DPYS: variants seen among roughly 807,000 people sequenced by gnomAD.
DPYS encodes dihydropyrimidine amidohydrolase.
Under a neutral mutation model 50.3 loss-of-function variants are expected in DPYS, and 39 were observed. That is an observed-to-expected ratio of 0.78 (90% CI 0.60 to 1.01). DPYS has a LOEUF of 1.01. Ranked by LOEUF, DPYS falls within the 50% of genes least tolerant of loss-of-function variation. DPYS has a pLI of 0.00. For missense variants in DPYS, 659 were observed against 680.9 expected, an observed-to-expected ratio of 0.97 and a Z score of 0.36; for synonymous variants, 245 against 250.7, an observed-to-expected ratio of 0.98 and a Z score of 0.22.
intron 8 of DPYS, among the ~76,000 whole-genome samples, chr8:104,384,127 C>T (rs977582721): frequency 1.3e-5 from 2 of 152,224 alleles, no homozygotes; most frequent in African/African-American, 4.8e-5. Context: ...GGGAGCCACA[C>T]CTGCGTGCAC....
chr8:104,429,141 A>G (rs1812854577), intron 5 of DPYS: 2 of 214,378 alleles, frequency 9.3e-6, no homozygotes, highest in Non-Finnish European at 1.9e-5. Flanking sequence ...CAAGAATGGT[A>G]GAATTTTCAA....
chr8:104,434,776 T>C (rs1220562293), intron 4 of DPYS, among the ~76,000 whole-genome samples: 1 of 152,184 alleles, frequency 6.6e-6, no homozygotes, highest in African/African-American at 2.4e-5. Context: ...TTGTTGTTTA[T>C]GAAAAATATA....
chr8:104,438,049 G>C (rs1196689366), intron 4 of DPYS, among the ~76,000 whole-genome samples: 1 of 152,024 alleles, frequency 6.6e-6, no homozygotes, highest in African/African-American at 2.4e-5. Context: ...TGAAGACAAG[G>C]AATCAGAAAA....
intron 1 of DPYS, among the ~76,000 whole-genome samples, chr8:104,455,262 C>T (rs979921074): frequency 3.9e-5 from 6 of 152,128 alleles, no homozygotes; most frequent in African/African-American, 1.4e-4. Context: ...CTCTGGGAAA[C>T]GTGAACTGCA....
At chr8:104,387,758 C>T (rs374068305) in intron 8 of DPYS, among the ~76,000 whole-genome samples, 38 of 152,256 alleles carry the variant, frequency 2.5e-4, no homozygotes, top group Middle Eastern at 3.4e-3. Context: ...ATTTACTGAA[C>T]GGATGTTGAT....
At chr8:104,395,850 A>C (rs1588405253) in intron 7 of DPYS, among the ~76,000 whole-genome samples, 1 of 4,606 alleles carries the variant, frequency 2.2e-4, no homozygotes. Flanking sequence ...TGCTGCAGCA[A>C]AAAAAAAAAA....
Position 104,451,447 on chromosome 8 carries a change from C to T in DPYS, c.265-43G>A, listed in dbSNP as rs779061568. The stretch of plus-strand genomic sequence containing the variant: ...TTTCAACAAATTAGCTATCAATTTC[C>T]TAGTTAAGTCATTTATCATCTTGAA... On this transcript the variant is annotated intron_variant, in intron 1 of 9. Transcript: ENST00000351513. 8.7e-6 allele frequency: 14 copies of T among 1,612,132 alleles called. No homozygotes were observed. In the East Asian group the frequency reaches 3.1e-4, roughly 36 times the overall value.
intron 7 of DPYS, among the ~76,000 whole-genome samples, chr8:104,413,029 G>A (rs1353317242): frequency 6.6e-6 from 1 of 152,120 alleles, no homozygotes; most frequent in African/African-American, 2.4e-5. Flanking sequence ...AAATGTGAGA[G>A]CATTTCATAT....
chr8:104,424,049 T>C (rs1436571516), intron 7 of DPYS, 198 bp downstream of exon 7: 8 of 984,948 alleles, frequency 8.1e-6, no homozygotes, highest in Non-Finnish European at 9.6e-6. Context: ...ACACAACTTC[T>C]ACATCCTCTA....
intron 3 of DPYS, among the ~76,000 whole-genome samples, chr8:104,447,120 A>T (rs760498572): frequency 6.6e-6 from 1 of 152,250 alleles, no homozygotes. Context: ...TACCACCTGC[A>T]TAAAGCTGAG....
chr8:104,395,253 C>T (rs755865028), intron 7 of DPYS, among the ~76,000 whole-genome samples: 1 of 152,184 alleles, frequency 6.6e-6, no homozygotes, highest in Non-Finnish European at 1.5e-5. Flanking sequence ...CCCACCTTGG[C>T]TTTCCAAAGT....
Position 104,451,274 on chromosome 8 carries a change from T to A in DPYS, c.395A>T (p.His132Leu). 1 of 1,614,086 alleles carries A rather than the reference T, an allele frequency of 6.2e-7. No individual in the cohort carries two copies. ...DPKVCCDYSLHVAVTWWSDQV... is the reference protein window; with the variant it reads ...DPKVCCDYSLLVAVTWWSDQV... The stretch of plus-strand genomic sequence containing the variant: ...GTCACTCCACCACGTCACTGCCACA[T>A]GAAGGCTGTAGTCGCAGCAAACTTT... Residue 132 changes from histidine to leucine, a missense_variant, in exon 2 of 10, where the codon CAT becomes CTT. Coordinates refer to ENST00000351513, the MANE Select transcript of DPYS (RefSeq NM_001385.3).
intron 4 of DPYS, among the ~76,000 whole-genome samples, chr8:104,440,724 A>C (rs1471347915): frequency 1.3e-5 from 2 of 151,994 alleles, no homozygotes; most frequent in Admixed American, 6.6e-5. Context: ...GCGACACTGC[A>C]CTCCAGCCTG....
chr8:104,466,844 A>G lies in DPYS; in HGVS notation c.77T>C (p.Leu26Pro). ...TGCCCGCACCACGCCGTCCTCCACC[A>G]GCACGTCGGCCACCTCCGAGAAGTC... ...NDDFSEVADV[L>P]VEDGVVRALG... The change falls in exon 1 of 10, where the codon CTG becomes CCG. Residue 26 changes from leucine to proline, a missense_variant. By Grantham distance (98) the Leu-to-Pro change is moderately conservative (BLOSUM62 -3). Transcript: ENST00000351513. 2.0e-6 allele frequency: 3 copies of G among 1,532,428 alleles called. No individual in the cohort carries two copies. The South Asian group carries it at 3.6e-5, about 18-fold the overall frequency. 94.9% of individuals were successfully genotyped at this position (1,532,428 alleles called of 1,614,324 possible).
At chr8:104,436,526 C>G (rs1230478151) in intron 4 of DPYS, among the ~76,000 whole-genome samples, 1 of 152,150 alleles carries the variant, frequency 6.6e-6, no homozygotes, top group Admixed American at 6.5e-5. Flanking sequence ...AGGAGAATCA[C>G]TTGAACCTGG....
rs376247027 is a variant in DPYS at position 104,429,706 on chromosome 8, A to C, written c.794-5T>G. 98 of 1,613,940 alleles carry C rather than the reference A, an allele frequency of 6.1e-5. No individual in the cohort carries two copies. Among genetic ancestry groups the C allele is most frequent in the Non-Finnish European group, 7.8e-5 (92 of 1,179,992 alleles). ...GTTCACCATAGACCACCTTCCCTGGAAAGATTAAAAGAAGCATTCATCACT... is the reference window on the plus strand; with the variant it reads ...GTTCACCATAGACCACCTTCCCTGGCAAGATTAAAAGAAGCATTCATCACT... On this transcript the variant is annotated splice_region_variant and splice_polypyrimidine_tract_variant and intron_variant, in intron 4 of 9. Transcript: ENST00000351513.
At chr8:104,460,259 G>C (rs1428870178) in intron 1 of DPYS, among the ~76,000 whole-genome samples, 3 of 152,070 alleles carry the variant, frequency 2.0e-5, no homozygotes, top group African/African-American at 7.2e-5. Context: ...CCCAATGTTG[G>C]GGGAGTGACC....
At chr8:104,419,252 T>C (rs1280131524) in intron 7 of DPYS, among the ~76,000 whole-genome samples, 1 of 152,244 alleles carries the variant, frequency 6.6e-6, no homozygotes, top group African/African-American at 2.4e-5. Flanking sequence ...TAGCCAGTGC[T>C]GAATAAAATC....
chr8:104,405,541 C>A (rs920401154), intron 7 of DPYS, among the ~76,000 whole-genome samples: 5 of 152,242 alleles, frequency 3.3e-5, no homozygotes, highest in Non-Finnish European at 7.3e-5. Flanking sequence ...TTCATTGACA[C>A]TCCTGAAATA....
Sources: allele counts gnomAD v4.1 joint callset (sites outside exome capture counted in the v4.1 genomes callset), GRCh38; gene constraint gnomAD v4.1.1; transcripts MANE v1.5; gene names NCBI Gene and HGNC (gene_info 2026-07-23, HGNC 2026-07-21).